Variants in NUP58 observed in about 807,000 individuals in gnomAD.
NUP58 encodes nucleoporin 58.
In NUP58, 17 loss-of-function variants were observed where a neutral mutation model predicts 70.1. That is an observed-to-expected ratio of 0.24 (90% CI 0.17 to 0.36). The LOEUF is 0.36. Among genes scored for constraint, NUP58 ranks in the 10% least tolerant of loss-of-function variants. NUP58 has a pLI of 1.00. For synonymous variants in NUP58, 275 were observed against 257.6 expected, an observed-to-expected ratio of 1.07 and a Z score of -0.65; for missense variants, 644 against 701.5, an observed-to-expected ratio of 0.92 and a Z score of 0.93.
intron 3 of NUP58, 52 bp downstream of exon 3, chr13:25,309,334 A>G (rs759343939): frequency 7.4e-7 from 1 of 1,342,570 alleles, no homozygotes; most frequent in Non-Finnish European, 1.1e-6. Flanking sequence ...AATAATTTTA[A>G]TAAATTGAGT....
At chr13:25,312,621 G>T (rs2030724217) in intron 3 of NUP58, among the ~76,000 whole-genome samples, 1 of 152,162 alleles carries the variant, frequency 6.6e-6, no homozygotes, top group Non-Finnish European at 1.5e-5. Context: ...GCCCATCTTG[G>T]CCTCCCAAAG....
chr13:25,324,594 C>T (rs1469756263), intron 9 of NUP58, among the ~76,000 whole-genome samples: 2 of 151,922 alleles, frequency 1.3e-5, no homozygotes, highest in African/African-American at 2.4e-5. Flanking sequence ...AGCAAGCACC[C>T]AAATGTTAAT....
At chr13:25,324,551 G>C (rs2031317009) in intron 9 of NUP58, among the ~76,000 whole-genome samples, 1 of 152,034 alleles carries the variant, frequency 6.6e-6, no homozygotes. Flanking sequence ...TGTTGTCCTT[G>C]AGAAGTAACT....
chr13:25,313,639 T>G lies in NUP58; in HGVS notation c.462T>G (p.Asn154Lys), dbSNP rs141984056. Residue 154 changes from asparagine (N) to lysine (K), a missense_variant, in exon 5 of 16, where the codon AAT (asparagine) becomes AAG (lysine). Asn to Lys is a moderately conservative substitution (Grantham distance 94, BLOSUM62 0). Transcript: ENST00000381736. ...CATCCACAGGATTTACTCTAAATAA[T>G]TTGGGTGGGACAACAGCCACAACTA... ...PAASTGFTLN[N>K]LGGTTATTTT... 4 of 1,523,334 alleles carry G rather than the reference T, an allele frequency of 2.6e-6. No individual in the cohort carries two copies. The highest frequency in any genetic ancestry group is 2.6e-6 in the Non-Finnish European group (3 of 1,148,896). The allele number at this position is 1,523,334 out of a possible 1,614,324, so 94.4% of individuals were successfully genotyped here.
In NUP58 at chr13:25,310,206, ATTTTTTTTTTTTT is replaced by A. The variant is rs796547133; in HGVS notation, c.286+942_286+954del. On this transcript the variant is annotated intron_variant, in intron 3 of 15. Transcript: ENST00000381736. ...AGGCACATACCACAACCCTTGGCTA[ATTTTTTTTTTTTT>A]TTTTTTTTTTTTTTTTTAGAGACGG... is the stretch of plus-strand genomic sequence containing the variant. 7.2e-3 allele frequency among the ~76,000 whole-genome samples: 344 copies of A among 47,508 alleles called. 4 individuals are homozygous for A. The highest frequency in any genetic ancestry group is 0.021 in the African/African-American group (326 of 15,364). The allele number at this position is 47,508 out of a possible 152,430, so 31.2% of individuals were successfully genotyped here.
intron 12 of NUP58, 44 bp from the exon 13 acceptor site, chr13:25,331,313 C>G: frequency 1.3e-6 from 2 of 1,542,682 alleles, no homozygotes; most frequent in Non-Finnish European, 1.8e-6. Context: ...TAACCATAGT[C>G]AATGTGAAAC....
chr13:25,306,938 C>T (rs182108375), intron 1 of NUP58, among the ~76,000 whole-genome samples: 5 of 152,204 alleles, frequency 3.3e-5, no homozygotes, highest in African/African-American at 7.2e-5. Flanking sequence ...TAACTTTTGC[C>T]AGGAAATGTC....
At chr13:25,345,564 CAA>C (rs2032039022), downstream of NUP58, among the ~76,000 whole-genome samples, 2 of 115,466 alleles carry the variant, frequency 1.7e-5, no homozygotes, top group African/African-American at 6.2e-5. Flanking sequence ...ATCATCCCAG[CAA>C]CTGGATGATG....
In NUP58 at chr13:25,327,415, A is replaced by G. The variant is rs989932895; in HGVS notation, c.1151-15A>G. The G allele has an allele frequency of 6.5e-7, 1 of 1,536,832 alleles. No homozygotes were observed. The highest frequency in any genetic ancestry group is 1.4e-5 in the African/African-American group (1 of 73,172). ...TATGTATATATTTGGGTGATAATGT[A>G]ATTTTCTTTTATAGATTTGTCAATG... On this transcript the variant is annotated splice_polypyrimidine_tract_variant and intron_variant, in intron 11 of 15. Transcript: ENST00000381736.
At chr13:25,307,987 G>A in intron 2 of NUP58, 39 bp downstream of exon 2, 1 of 1,605,092 alleles carries the variant, frequency 6.2e-7, no homozygotes, top group Non-Finnish European at 8.5e-7. Flanking sequence ...GAGTAGGCTT[G>A]GGATATTCTT....
downstream of NUP58, among the ~76,000 whole-genome samples, chr13:25,346,224 C>G (rs2032047903): frequency 6.6e-6 from 1 of 152,158 alleles, no homozygotes; most frequent in Admixed American, 6.5e-5. Flanking sequence ...TACGTTAACT[C>G]ATTTAGTCCT....
intron 11 of NUP58, 136 bp from the exon 12 acceptor site, chr13:25,327,294 T>A: frequency 1.7e-6 from 1 of 589,878 alleles, no homozygotes. Flanking sequence ...GTGTGTTCTC[T>A]GGCCATGAGA....
chr13:25,326,575 G>A (rs915917167), intron 10 of NUP58, among the ~76,000 whole-genome samples: 1 of 151,780 alleles, frequency 6.6e-6, no homozygotes, highest in African/African-American at 2.4e-5. Flanking sequence ...TATTTATATC[G>A]CTTCCCTTGC....
chr13:25,308,190 TATATA>T, intron 2 of NUP58: 1 of 355,244 alleles, frequency 2.8e-6, no homozygotes, highest in Non-Finnish European at 5.0e-6. Flanking sequence ...ATTTTTGGAT[TATATA>T]ATGTAGTGTT....
chr13:25,312,830 C>G (rs2030736774), intron 3 of NUP58, 53 bp from the exon 4 acceptor site: 2 of 1,522,660 alleles, frequency 1.3e-6, no homozygotes, highest in East Asian at 2.5e-5. Context: ...AGAACACTTA[C>G]AGGTAAAGTA....
rs2031130553 is a variant in NUP58 at position 25,320,415 on chromosome 13, A to G, written c.711-115A>G. 13 of 637,312 alleles carry G rather than the reference A, an allele frequency of 2.0e-5. No individual in the cohort carries two copies. In the South Asian group the frequency reaches 2.7e-4, roughly 13 times the overall value. The allele number at this position is 637,312 out of a possible 1,614,324, so 39.5% of individuals were successfully genotyped here. ...CTTTGAAATCATCCAGAGAAGCCAT[A>G]CGTGCTTTTTTGCTATATTTTCTTG... On this transcript the variant is annotated intron_variant, in intron 7 of 15. Coordinates refer to ENST00000381736, the MANE Select transcript of NUP58 (RefSeq NM_014089.4).
intron 12 of NUP58, among the ~76,000 whole-genome samples, chr13:25,330,037 C>T (rs1036236964): frequency 4.6e-5 from 7 of 152,084 alleles, no homozygotes; most frequent in African/African-American, 1.7e-4. Context: ...CTGTGTTGTC[C>T]AGGCTGATCT....
chr13:25,315,174 C>T (rs1453191390), intron 5 of NUP58, among the ~76,000 whole-genome samples, 183 bp from the exon 6 acceptor site: 1 of 152,270 alleles, frequency 6.6e-6, no homozygotes, highest in Middle Eastern at 3.4e-3. Context: ...CATATGCCAT[C>T]GAATTCAAGA....
At chr13:25,335,848 G>A (rs538858724) in intron 13 of NUP58, 1 of 1,035,846 alleles carries the variant, frequency 9.7e-7, no homozygotes, top group Non-Finnish European at 1.2e-6. Context: ...CCTCATCTTT[G>A]AGATGCACTG....
Sources: gnomAD v4.1 joint callset for allele counts (sites outside exome capture counted in the v4.1 genomes callset) on GRCh38, gnomAD v4.1.1 for gene constraint, MANE v1.5 for transcripts, NCBI Gene and HGNC (gene_info 2026-07-23, HGNC 2026-07-21) for gene names.